The following FRMD6 variants were observed in gnomAD, a reference collection of about 807,000 sequenced individuals.
The protein encoded by FRMD6 is FERM domain-containing protein 6.
FRMD6 carries 37 observed loss-of-function variants against 73.2 expected under a neutral mutation model. The ratio of observed to expected loss-of-function variants is 0.51; its 90% confidence interval spans 0.39 to 0.66. The LOEUF is 0.66. Among genes scored for constraint, FRMD6 ranks in the 30% least tolerant of loss-of-function variants. The pLI, the probability that FRMD6 is intolerant of heterozygous loss-of-function variation, is 0.00. For missense variants in FRMD6, 714 were observed against 780.5 expected (o/e 0.91, Z 1.02); for synonymous variants, 273 against 282.2 (o/e 0.97, Z 0.33).
At chr14:51,433,923 T>A in the FRMD6 span, among the ~76,000 whole-genome samples, 6 of 152,342 alleles carry the variant, frequency 3.9e-5, no homozygotes, top group South Asian at 1.2e-3. Context: ...GACTACTGTA[T>A]GCAAGTATTA....
chr14:51,415,565 T>C, the FRMD6 span, among the ~76,000 whole-genome samples: 5 of 152,254 alleles, frequency 3.3e-5, no homozygotes, highest in Admixed American at 2.0e-4. Flanking sequence ...CAGTGTTTTA[T>C]TGAGGATTTT....
chr14:51,658,864 T>A (rs1446476832), intron 1 of FRMD6, among the ~76,000 whole-genome samples: 1 of 152,212 alleles, frequency 6.6e-6, no homozygotes, highest in Admixed American at 6.5e-5. Flanking sequence ...TTAAGCTCAT[T>A]AAAAAGGTGA....
intron 2 of FRMD6, among the ~76,000 whole-genome samples, chr14:51,607,806 C>T (rs557701266): frequency 5.0e-4 from 76 of 152,350 alleles, no homozygotes; most frequent in African/African-American, 1.7e-3. Flanking sequence ...GGTGGGGCCC[C>T]TTTCCCGGTT....
chr14:51,434,500 C>T, the FRMD6 span, among the ~76,000 whole-genome samples: 1 of 109,774 alleles, frequency 9.1e-6, no homozygotes, highest in Non-Finnish European at 2.0e-5. Context: ...AAAATTGGGA[C>T]AATTTGAGCA....
intron 1 of FRMD6, among the ~76,000 whole-genome samples, chr14:51,491,690 T>C (rs961051512): frequency 2.0e-5 from 3 of 152,220 alleles, no homozygotes; most frequent in African/African-American, 7.2e-5. Flanking sequence ...CTTAGCCTTT[T>C]CTCTGCTGCT....
rs1896953619 is a variant in FRMD6 at position 51,711,675 on chromosome 14, T to C, written c.780+79T>C. On this transcript the variant is annotated intron_variant, in intron 8 of 13. Transcript: ENST00000344768. ...CATGCCTCTGTGGTCCTGCCACAGG[T>C]TCAGTAGTTCATTTTTGGCCACTGG... The C allele has an allele frequency of 3.0e-6, 3 of 994,822 alleles. No homozygotes were observed. The African/African-American group carries it at 4.8e-5, about 16-fold the overall frequency. The allele number at this position is 994,822 out of a possible 1,614,324, so 61.6% of individuals were successfully genotyped here.
chr14:51,648,104 C>T (rs930135418), upstream of FRMD6, among the ~76,000 whole-genome samples: 13 of 152,180 alleles, frequency 8.5e-5, no homozygotes, highest in Admixed American at 2.6e-4. Context: ...GGATTACAGG[C>T]ATGAGCCACC....
intron 4 of FRMD6, among the ~76,000 whole-genome samples, chr14:51,701,755 T>C (rs1896337635): frequency 6.6e-6 from 1 of 151,650 alleles, no homozygotes; most frequent in African/African-American, 2.4e-5. Context: ...AATAATGCTT[T>C]TAAATGAAAA....
intron 1 of FRMD6, among the ~76,000 whole-genome samples, chr14:51,672,901 G>C (rs1018859942): frequency 6.6e-6 from 1 of 152,088 alleles, no homozygotes; most frequent in African/African-American, 2.4e-5. Context: ...TTTCATGGAG[G>C]ATAAGTGTAG....
At chr14:51,443,337 C>G in the FRMD6 span, among the ~76,000 whole-genome samples, 1 of 152,226 alleles carries the variant, frequency 6.6e-6, no homozygotes, top group Non-Finnish European at 1.5e-5. Context: ...TTTCTCATTT[C>G]TGTCCCCAAA....
chr14:51,506,703 A>T (rs1305363456), intron 1 of FRMD6, among the ~76,000 whole-genome samples: 1 of 152,216 alleles, frequency 6.6e-6, no homozygotes. Flanking sequence ...TAAGGGAATG[A>T]TCTGAGCAGC....
At chr14:51,541,033 A>T (rs1886174973) in intron 1 of FRMD6, among the ~76,000 whole-genome samples, 1 of 152,114 alleles carries the variant, frequency 6.6e-6, no homozygotes, top group Admixed American at 6.6e-5. Flanking sequence ...CTATTAAAAG[A>T]ACAAAATTAC....
chr14:51,705,367 G>A (rs1367443613), intron 6 of FRMD6, among the ~76,000 whole-genome samples: 1 of 152,096 alleles, frequency 6.6e-6, no homozygotes, highest in Non-Finnish European at 1.5e-5. Context: ...CTCTCGGGGA[G>A]GAACTAACCC....
intron 1 of FRMD6, among the ~76,000 whole-genome samples, chr14:51,681,952 A>G (rs1894828134): frequency 6.6e-6 from 1 of 152,220 alleles, no homozygotes; most frequent in Admixed American, 6.5e-5. Context: ...TTACAAATGT[A>G]CAATACAATA....
chr14:51,638,382 C>T (rs1373485952), intron 2 of FRMD6, among the ~76,000 whole-genome samples: 1 of 152,184 alleles, frequency 6.6e-6, no homozygotes, highest in African/African-American at 2.4e-5. Context: ...GTAACTCTGT[C>T]CCTACTACTC....
intron 1 of FRMD6, among the ~76,000 whole-genome samples, chr14:51,543,437 T>C (rs1886301580): frequency 6.6e-6 from 1 of 152,046 alleles, no homozygotes; most frequent in South Asian, 2.1e-4. Context: ...GTAGAAATTG[T>C]TTAGCTATCA....
At chr14:51,470,474 T>A in the FRMD6 span, among the ~76,000 whole-genome samples, 2 of 152,038 alleles carry the variant, frequency 1.3e-5, no homozygotes, top group Non-Finnish European at 2.9e-5. Flanking sequence ...CAGTGCAATC[T>A]GGGCAACAGA....
intron 2 of FRMD6, among the ~76,000 whole-genome samples, chr14:51,623,641 G>T (rs1472672522): frequency 6.6e-6 from 1 of 152,084 alleles, no homozygotes; most frequent in Non-Finnish European, 1.5e-5. Context: ...CAGTTTCCTG[G>T]AAGACCTTTC....
chr14:51,525,070 AATAGATAGATAGATAGATAGATAG>A (rs75865493), intron 1 of FRMD6, among the ~76,000 whole-genome samples: 1 of 101,982 alleles, frequency 9.8e-6, no homozygotes, highest in Non-Finnish European at 2.0e-5. Flanking sequence ...AGACAAATAG[AATAGATAGATAGATAGATAGATAG>A]ATAGATAGAT....
Sources: gnomAD v4.1 joint callset for allele counts (sites outside exome capture counted in the v4.1 genomes callset) on GRCh38, gnomAD v4.1.1 for gene constraint, MANE v1.5 for transcripts, NCBI Gene and HGNC (gene_info 2026-07-23, HGNC 2026-07-21) for gene names.